Variants in CCDC141 observed in about 807,000 individuals in gnomAD.
CCDC141 encodes coiled-coil domain-containing protein 141.
In CCDC141, 168 loss-of-function variants were observed where a neutral mutation model predicts 181.0. The ratio of observed to expected loss-of-function variants is 0.93; its 90% CI spans 0.82 to 1.05. The LOEUF (loss-of-function observed/expected upper bound fraction) is 1.05, where lower values mean the gene tolerates loss of function less well. Ranked by LOEUF, CCDC141 falls within the 50% of genes least tolerant of loss-of-function variation. CCDC141 has a pLI of 0.00. For missense variants in CCDC141, 1,902 were observed against 1,788.5 expected, an observed-to-expected ratio of 1.06 and a Z score of -1.14; for synonymous variants, 666 against 642.3, an observed-to-expected ratio of 1.04 and a Z score of -0.56.
intron 5 of CCDC141, among the ~76,000 whole-genome samples, chr2:178,950,718 A>G (rs1202999777): frequency 6.6e-6 from 1 of 152,214 alleles, no homozygotes; most frequent in Non-Finnish European, 1.5e-5. Flanking sequence ...GGAAGGTATC[A>G]GTATCTCCTC....
chr2:179,027,084 A>G (rs982347474), intron 2 of CCDC141, among the ~76,000 whole-genome samples: 9 of 152,160 alleles, frequency 5.9e-5, no homozygotes, highest in Admixed American at 2.6e-4. Flanking sequence ...CTTTTGAGTT[A>G]ATACTGAAAT....
chr2:178,977,967 C>A (rs1049222269), intron 3 of CCDC141, among the ~76,000 whole-genome samples: 3 of 152,104 alleles, frequency 2.0e-5, no homozygotes, highest in Admixed American at 1.3e-4. Context: ...GTAAGGTGTT[C>A]AAACTATGGA....
chr2:178,901,978 C>T (rs1167325661), intron 8 of CCDC141, among the ~76,000 whole-genome samples: 1 of 152,030 alleles, frequency 6.6e-6, no homozygotes, highest in Non-Finnish European at 1.5e-5. Flanking sequence ...AACAGAGAGC[C>T]AAATCATGAG....
intron 6 of CCDC141, among the ~76,000 whole-genome samples, chr2:178,929,540 A>G (rs1689022823): frequency 1.1e-5 from 1 of 89,908 alleles, no homozygotes; most frequent in Non-Finnish European, 2.2e-5. Context: ...AAATATTCCT[A>G]TTTTTGAAGA....
chr2:178,880,854 T>C (rs1206573488), intron 11 of CCDC141, among the ~76,000 whole-genome samples: 1 of 151,844 alleles, frequency 6.6e-6, no homozygotes, highest in Non-Finnish European at 1.5e-5. Context: ...GATGGTGGAG[T>C]CATTAACCCA....
chr2:179,022,506 C>T (rs1240475087), intron 2 of CCDC141, among the ~76,000 whole-genome samples: 1 of 152,174 alleles, frequency 6.6e-6, no homozygotes, highest in Non-Finnish European at 1.5e-5. Context: ...AAACACTGTT[C>T]CGTCTCACGC....
chr2:179,029,209 G>C (rs1336303150), intron 2 of CCDC141, among the ~76,000 whole-genome samples: 2 of 151,904 alleles, frequency 1.3e-5, no homozygotes, highest in Non-Finnish European at 2.9e-5. Context: ...TCCCTCTCTT[G>C]GGCTGATGAC....
chr2:178,865,775 T>C lies in CCDC141; in HGVS notation c.2716A>G (p.Ile906Val), dbSNP rs952894796. The change falls in exon 17 of 24, where the codon ATA becomes GTA. Residue 906 changes from isoleucine to valine, a missense_variant. Physicochemically the swap from Ile to Val is conservative, Grantham distance 29. Coordinates refer to ENST00000443758, the MANE Select transcript of CCDC141 (RefSeq NM_173648.4). The stretch of plus-strand genomic sequence containing the variant: ...ACCCCTCCCACACCCACCTCATTTA[T>C]CTCGTCTCTCATGGCGCAGTACTCC... ...SVEYCAMRDE[I>V]NELKDSFKDI... 1.9e-6 allele frequency: 3 copies of C among 1,540,756 alleles called. No homozygotes were observed. The South Asian group carries it at 3.8e-5, about 20-fold the overall frequency.
At chr2:178,828,300 T>A (rs998302446), downstream of CCDC141, among the ~76,000 whole-genome samples, 4 of 152,156 alleles carry the variant, frequency 2.6e-5, no homozygotes, top group Non-Finnish European at 5.9e-5. Context: ...GTCCTCACCG[T>A]GTTGCGTAGC....
intron 20 of CCDC141, 79 bp downstream of exon 20, chr2:178,853,362 A>C: frequency 7.6e-7 from 1 of 1,323,306 alleles, no homozygotes; most frequent in East Asian, 2.4e-5. Flanking sequence ...GACTTGCCAC[A>C]CTCTTGCTGT....
chr2:178,921,598 T>C (rs1321284422), intron 6 of CCDC141, among the ~76,000 whole-genome samples: 1 of 152,182 alleles, frequency 6.6e-6, no homozygotes, highest in Non-Finnish European at 1.5e-5. Context: ...GCATCTTTAA[T>C]GTATTAATGT....
In CCDC141 at chr2:178,871,525, C is replaced by G. The variant is rs1371281003; in HGVS notation, c.2107G>C (p.Glu703Gln). 1.2e-6 allele frequency: 2 copies of G among 1,613,704 alleles called. No individual in the cohort carries two copies. The highest frequency in any genetic ancestry group is 2.2e-5 in the East Asian group (1 of 44,860). Residue 703 changes from glutamate (E) to glutamine (Q), a missense_variant, in exon 14 of 24, where the codon GAA becomes CAA. Physicochemically the swap from Glu to Gln is conservative, Grantham distance 29 (BLOSUM62 2). Coordinates refer to ENST00000443758, the MANE Select transcript of CCDC141 (RefSeq NM_173648.4). ...KTSHNLKLLQ[E>Q]ALMPVSALDL... ...AGTGCAGACACAGGCATAAGTGCTT[C>G]CTGAAGAAGTTTTAAGTTGTGAGAA...
intron 2 of CCDC141, among the ~76,000 whole-genome samples, chr2:179,028,333 T>C (rs116328190): frequency 2.1e-3 from 314 of 152,344 alleles, no homozygotes; most frequent in African/African-American, 7.3e-3. Flanking sequence ...TGCAGTCTGC[T>C]CATTTCCTGA....
intron 22 of CCDC141, among the ~76,000 whole-genome samples, chr2:178,838,274 T>G (rs1252528701): frequency 6.6e-6 from 1 of 152,234 alleles, no homozygotes; most frequent in Admixed American, 6.5e-5. Context: ...ACTTCAACCA[T>G]GTTTAAGTGT....
chr2:178,978,396 A>C (rs559566530), intron 3 of CCDC141, 88 bp downstream of exon 3: 2 of 846,430 alleles, frequency 2.4e-6, no homozygotes, highest in East Asian at 6.6e-5. Flanking sequence ...ACTGCTTGCA[A>C]TGTCTATTTG....
intron 2 of CCDC141, among the ~76,000 whole-genome samples, chr2:178,985,832 A>G (rs985592631): frequency 6.6e-6 from 1 of 152,210 alleles, no homozygotes; most frequent in Non-Finnish European, 1.5e-5. Context: ...TCAATAGTGT[A>G]CCAACCAAAA....
At chr2:178,971,924 TG>T (rs1690908759) in intron 4 of CCDC141, among the ~76,000 whole-genome samples, 1 of 151,916 alleles carries the variant, frequency 6.6e-6, no homozygotes, top group African/African-American at 2.4e-5. Context: ...GGGGCCTGTC[TG>T]GGGGTGTGGG....
At chr2:178,986,660 C>T (rs369251222) in intron 2 of CCDC141, among the ~76,000 whole-genome samples, 2 of 151,480 alleles carry the variant, frequency 1.3e-5, no homozygotes, top group East Asian at 3.9e-4. Flanking sequence ...ACAAGCATTC[C>T]TATACACCAA....
chr2:179,014,122 C>T (rs1218827997), intron 2 of CCDC141, among the ~76,000 whole-genome samples: 1 of 151,956 alleles, frequency 6.6e-6, no homozygotes, highest in Non-Finnish European at 1.5e-5. Flanking sequence ...AACCCAAATA[C>T]TCACAGCCAA....
Sources: allele counts gnomAD v4.1 joint callset (sites outside exome capture counted in the v4.1 genomes callset), GRCh38; gene constraint gnomAD v4.1.1; transcripts MANE v1.5; gene names NCBI Gene and HGNC (gene_info 2026-07-23, HGNC 2026-07-21).